The following SMC3 variants were observed in gnomAD, a reference collection of about 807,000 sequenced individuals.
SMC3 encodes the protein structural maintenance of chromosomes 3, also known as structural maintenance of chromosomes protein 3.
Under a neutral mutation model 171.8 loss-of-function variants are expected in SMC3, and 20 were observed. The ratio of observed to expected loss-of-function variants is 0.12; its 90% confidence interval spans 0.08 to 0.17. The LOEUF (loss-of-function observed/expected upper bound fraction) is 0.17. Among genes scored for constraint, SMC3 ranks in the 10% least tolerant of loss-of-function variants. SMC3 has a pLI of 1.00. For missense variants in SMC3, 543 were observed against 1,420.4 expected (o/e 0.38, Z 9.93); for synonymous variants, 464 against 451.1 (o/e 1.03, Z -0.36).
In SMC3 at chr10:110,588,027, T is replaced by C. The variant is rs1220213117; in HGVS notation, c.1306-1578T>C. 2.6e-5 allele frequency among the ~76,000 whole-genome samples: 4 copies of C among 152,348 alleles called. 1 individual carries two copies. Among genetic ancestry groups the C allele is most frequent in the South Asian group, 2.1e-4 (1 of 4,830 alleles). ...GATTTTTTGAGACAGAGTCTCGCTG[T>C]GTCACCAGGTTGGAGTGCAGTGACA... On this transcript the variant is annotated intron_variant, in intron 13 of 28. Coordinates refer to ENST00000361804, the MANE Select transcript of SMC3 (RefSeq NM_005445.4).
At chr10:110,577,141 C>CAAAA (rs1324983395) in intron 4 of SMC3, among the ~76,000 whole-genome samples, 1 of 152,070 alleles carries the variant, frequency 6.6e-6, no homozygotes, top group African/African-American at 2.4e-5. Flanking sequence ...TATTTAGAAT[C>CAAAA]AAAAGCTATT....
intron 1 of SMC3, 117 bp downstream of exon 1, chr10:110,567,948 T>C: frequency 7.7e-7 from 1 of 1,303,826 alleles, no homozygotes; most frequent in Non-Finnish European, 1.1e-6. Context: ...GGACCAGGGC[T>C]GGGCGGGGAC....
At chr10:110,570,137 C>T (rs377179315) in intron 2 of SMC3, among the ~76,000 whole-genome samples, 1 of 152,176 alleles carries the variant, frequency 6.6e-6, no homozygotes, top group East Asian at 1.9e-4. Context: ...TGGACAGCTG[C>T]TGTCTTGCTG....
chr10:110,598,111 G>A, intron 19 of SMC3, 28 bp from the exon 20 acceptor site: 2 of 1,602,838 alleles, frequency 1.2e-6, no homozygotes, highest in Non-Finnish European at 1.7e-6. Flanking sequence ...TTTACAACCT[G>A]GAGATAATTT....
chr10:110,589,184 T>G (rs1332371076), intron 13 of SMC3, among the ~76,000 whole-genome samples: 2 of 152,008 alleles, frequency 1.3e-5, no homozygotes, highest in Admixed American at 1.3e-4. Flanking sequence ...GGTCAGGAGA[T>G]CGAGACCATC....
chr10:110,600,370 C>T (rs1861367283), intron 21 of SMC3, 69 bp from the exon 22 acceptor site: 1 of 810,534 alleles, frequency 1.2e-6, no homozygotes, highest in African/African-American at 1.7e-5. Flanking sequence ...CTAGAGAGGA[C>T]AGCAAATGAG....
rs754086061 is a variant in SMC3, at chr10:110,601,620, G to T, written c.2645-17G>T. On this transcript the variant is annotated splice_polypyrimidine_tract_variant and intron_variant, in intron 23 of 28. Coordinates refer to ENST00000361804, the MANE Select transcript of SMC3 (RefSeq NM_005445.4). ...TTTATAGGTATTATAGCCTAATTTT[G>T]TTTCCCCCCATCTTAGATTTGGACA... 3 of 1,608,540 alleles carry T rather than the reference G, an allele frequency of 1.9e-6. No individual in the cohort carries two copies. The highest frequency in any genetic ancestry group is 1.7e-6 in the Non-Finnish European group (2 of 1,179,156).
At position 110,569,023 on chromosome 10, in the gene SMC3, C is replaced by T. The variant is rs1860826158; in HGVS notation, c.91+10C>T. On this transcript the variant is annotated intron_variant, in intron 2 of 28. Transcript: ENST00000361804. The stretch of plus-strand genomic sequence containing the variant: ...AAACATAATGTGATTGGTAAGTGTT[C>T]TTGGTTTACTCGGTCATATTTATAG... 2.6e-6 allele frequency: 4 copies of T among 1,541,670 alleles called. No individual in the cohort carries two copies. The highest frequency in any genetic ancestry group is 1.7e-5 in the Admixed American group (1 of 59,942).
chr10:110,586,280 G>A (rs557197548), intron 13 of SMC3, among the ~76,000 whole-genome samples: 2 of 152,218 alleles, frequency 1.3e-5, no homozygotes, highest in Admixed American at 6.5e-5. Flanking sequence ...TAAACAATAG[G>A]TAGGTAAAAT....
At chr10:110,581,891 A>C in intron 8 of SMC3, 32 bp from the exon 9 acceptor site, 1 of 1,574,546 alleles carries the variant, frequency 6.4e-7, no homozygotes, top group East Asian at 2.2e-5. Context: ...ATCTTATTCA[A>C]TTCTTCCACC....
chr10:110,601,932 T>C (rs757618604), intron 24 of SMC3, 34 bp from the exon 25 acceptor site: 66 of 1,609,276 alleles, frequency 4.1e-5, no homozygotes, highest in Non-Finnish European at 4.8e-5. Flanking sequence ...AGTATATAAA[T>C]TTATTTATAT....
At chr10:110,585,832 C>G (rs1371112866) in intron 13 of SMC3, among the ~76,000 whole-genome samples, 2 of 151,362 alleles carry the variant, frequency 1.3e-5, no homozygotes, top group East Asian at 1.9e-4. Flanking sequence ...GAGTGTTGCT[C>G]TGTCGCCCAG....
At chr10:110,593,275 T>A in intron 18 of SMC3, 52 bp downstream of exon 18, 1 of 1,575,598 alleles carries the variant, frequency 6.3e-7, no homozygotes, top group Non-Finnish European at 8.7e-7. Context: ...ACAAATCATT[T>A]AAAACATATA....
At chr10:110,589,757 C>A in intron 14 of SMC3, 49 bp downstream of exon 14, 1 of 1,420,028 alleles carries the variant, frequency 7.0e-7, no homozygotes, top group Non-Finnish European at 9.9e-7. Context: ...ATGTTCGTTA[C>A]TAGCTGTTAT....
chr10:110,571,001 T>A (rs998614931), intron 2 of SMC3, among the ~76,000 whole-genome samples: 1 of 152,242 alleles, frequency 6.6e-6, no homozygotes, highest in Non-Finnish European at 1.5e-5. Flanking sequence ...ATATCTCTTG[T>A]ACTGATGTTG....
chr10:110,577,377 A>C, intron 4 of SMC3, 44 bp from the exon 5 acceptor site: 1 of 1,383,338 alleles, frequency 7.2e-7, no homozygotes, highest in Non-Finnish European at 1.0e-6. Context: ...AAGGATATGA[A>C]TATACAACTT....
At position 110,590,522 on chromosome 10, in the gene SMC3, T is replaced by A; in HGVS notation, c.1620T>A (p.Phe540Leu). ...NGYHGIVMNN[F>L]ECEPAFYTCV... ...ATCATGGTATTGTAATGAATAACTT[T>A]GAATGTGAACCAGCTTTCTACACAT... The change falls in exon 16 of 29, where the codon TTT (phenylalanine) becomes TTA (leucine). Residue 540 changes from phenylalanine to leucine, a missense_variant. By Grantham distance (22) the Phe-to-Leu change is conservative (BLOSUM62 0). Around this residue, in one of 8 missense-constraint regions of SMC3, gnomAD observed 218 missense variants for 509.6 expected, o/e 0.43. Coordinates refer to ENST00000361804, the MANE Select transcript of SMC3 (RefSeq NM_005445.4). The A allele has an allele frequency of 1.2e-6, 2 of 1,614,128 alleles. No homozygotes were observed. The highest frequency in any genetic ancestry group is 1.7e-6 in the Non-Finnish European group (2 of 1,179,964).
In SMC3 at chr10:110,604,432, T is replaced by G. The variant is rs1270524160; in HGVS notation, c.*130T>G. The G allele has an allele frequency of 1.5e-6, 1 of 670,054 alleles. No homozygotes were observed. Among genetic ancestry groups the G allele is most frequent in the Non-Finnish European group, 2.7e-6 (1 of 372,390 alleles). 41.5% of individuals were successfully genotyped at this position (670,054 alleles called of 1,614,324 possible). ...CTTAAAGCATCATAGTCCTTTTATA[T>G]TTGTCTTTGTATTTTATAAGATACT... On this transcript the variant is annotated 3_prime_UTR_variant, in exon 29 of 29. Transcript: ENST00000361804.
chr10:110,584,557 T>C (rs1861079928), intron 13 of SMC3, among the ~76,000 whole-genome samples, 161 bp downstream of exon 13: 1 of 149,282 alleles, frequency 6.7e-6, no homozygotes, highest in East Asian at 2.1e-4. Flanking sequence ...AATATACATA[T>C]AGTTCTTTTT....
Sources: allele counts gnomAD v4.1 joint callset (sites outside exome capture counted in the v4.1 genomes callset), GRCh38; gene constraint gnomAD v4.1.1; regional missense constraint gnomAD v4.1.1; transcripts MANE v1.5; gene names NCBI Gene and HGNC (gene_info 2026-07-23, HGNC 2026-07-21).